PPIG: variants seen among roughly 807,000 people sequenced by gnomAD.
PPIG encodes peptidylprolyl isomerase G.
PPIG carries 26 observed loss-of-function variants against 87.9 expected under a neutral mutation model. The observed-to-expected ratio is 0.30, with a 90% confidence interval of 0.22 to 0.41. PPIG has a LOEUF of 0.41. Ranked by LOEUF, PPIG falls within the 10% of genes least tolerant of loss-of-function variation. The pLI is 1.00. For synonymous variants in PPIG, 308 were observed against 276.5 expected, an observed-to-expected ratio of 1.11 and a Z score of -1.13; for missense variants, 722 against 879.4, an observed-to-expected ratio of 0.82 and a Z score of 2.26.
At chr2:169,592,599 T>C (rs1332426818) in intron 1 of PPIG, among the ~76,000 whole-genome samples, 1 of 152,070 alleles carries the variant, frequency 6.6e-6, no homozygotes, top group Admixed American at 6.6e-5. Context: ...CCACCGTGCC[T>C]GGCTCAGATT....
intron 1 of PPIG, among the ~76,000 whole-genome samples, chr2:169,593,347 AC>A (rs1239884334): frequency 1.3e-5 from 2 of 151,992 alleles, no homozygotes; most frequent in Non-Finnish European, 2.9e-5. Flanking sequence ...GACACCCACC[AC>A]CATGCCCGGC....
intron 2 of PPIG, 128 bp downstream of exon 2, chr2:169,603,822 G>A: frequency 1.8e-6 from 1 of 565,126 alleles, no homozygotes; most frequent in Non-Finnish European, 3.1e-6. Flanking sequence ...TAACTTTCAA[G>A]TCTTTTCTAA....
In PPIG at chr2:169,589,576, C is replaced by A. The variant is rs1684802799; in HGVS notation, c.-70+5086C>A. Among the ~76,000 whole-genome samples the A allele has an allele frequency of 2.0e-5, 3 of 152,022 alleles. No homozygotes were observed. The South Asian group carries it at 6.2e-4, about 31-fold the overall frequency. The stretch of plus-strand genomic sequence containing the variant: ...GGAAATCTTATATATAAATTGTCTC[C>A]TGTTTCATCAAATTTAGCAGATAAG... On this transcript the variant is annotated intron_variant, in intron 1 of 13. Coordinates refer to ENST00000260970, the MANE Select transcript of PPIG (RefSeq NM_004792.3).
chr2:169,619,422 C>T lies in PPIG; in HGVS notation c.547+4698C>T, dbSNP rs184466227. ...AGAGCTGAGTTGAAATCCTGAATAT[C>T]CTTGTTAATTTTCTGTCTCATTGAT... On this transcript the variant is annotated intron_variant, in intron 9 of 13. Coordinates refer to ENST00000260970, the MANE Select transcript of PPIG (RefSeq NM_004792.3). Among the ~76,000 whole-genome samples, 227 of 152,210 alleles carry T rather than the reference C, an allele frequency of 1.5e-3. 1 individual carries two copies. The highest frequency in any genetic ancestry group is 5.3e-3 in the African/African-American group (220 of 41,518).
intron 1 of PPIG, 144 bp downstream of exon 1, chr2:169,584,634 C>T: frequency 2.4e-6 from 1 of 416,284 alleles, no homozygotes; most frequent in Non-Finnish European, 4.7e-6. Flanking sequence ...GGTATCGGGG[C>T]TGCTTGGGCC....
rs191206615 is a variant in PPIG, at chr2:169,592,397, C to T, written c.-70+7907C>T. On this transcript the variant is annotated intron_variant, in intron 1 of 13. Transcript: ENST00000260970. ...TCTGCTCACTGCAAGCTCCGCCTCC[C>T]GGGTTCACGCCATTCTCCTGCCTCA... 1.5e-4 allele frequency among the ~76,000 whole-genome samples: 22 copies of T among 150,564 alleles called. No homozygotes were observed. The East Asian group carries it at 2.0e-3, about 13-fold the overall frequency.
rs544306207 is a variant in PPIG at position 169,636,909 on chromosome 2, A to G, written c.1651A>G (p.Ile551Val). 2 of 1,613,992 alleles carry G rather than the reference A, an allele frequency of 1.2e-6. No individual in the cohort carries two copies. Among genetic ancestry groups the G allele is most frequent in the Non-Finnish European group, 1.7e-6 (2 of 1,179,990 alleles). ...RAQSRSRECD[I>V]TKGKHSYNSR... ...ACAATCCAGGAGTAGAGAATGTGAT[A>G]TAACTAAAGGTAAACACAGTTATAA... The change falls in exon 14 of 14, where the codon ATA becomes GTA. Residue 551 changes from isoleucine to valine, a missense_variant. By Grantham distance (29) the Ile-to-Val change is conservative (BLOSUM62 3). Coordinates refer to ENST00000260970, the MANE Select transcript of PPIG (RefSeq NM_004792.3).
chr2:169,613,599 A>G (rs1685544657), intron 7 of PPIG, among the ~76,000 whole-genome samples: 1 of 151,960 alleles, frequency 6.6e-6, no homozygotes, highest in Admixed American at 6.6e-5. Flanking sequence ...TTTTTTTCCC[A>G]ACTCCTAATC....
At chr2:169,601,373 G>T (rs1685179653) in intron 1 of PPIG, among the ~76,000 whole-genome samples, 1 of 152,124 alleles carries the variant, frequency 6.6e-6, no homozygotes, top group Admixed American at 6.6e-5. Context: ...TGAAAATTCA[G>T]GTTTATCACA....
intron 1 of PPIG, among the ~76,000 whole-genome samples, chr2:169,587,999 A>G (rs958829894): frequency 6.6e-6 from 1 of 151,986 alleles, no homozygotes; most frequent in East Asian, 1.9e-4. Flanking sequence ...CTCCGTTTCT[A>G]CTTAGAATAC....
At chr2:169,597,197 A>T (rs756855143) in intron 1 of PPIG, among the ~76,000 whole-genome samples, 3 of 152,186 alleles carry the variant, frequency 2.0e-5, no homozygotes, top group African/African-American at 4.8e-5. Context: ...TGTGGTATAA[A>T]ATTGAAAATA....
chr2:169,615,586 G>C (rs1380714218), intron 9 of PPIG, among the ~76,000 whole-genome samples: 1 of 152,112 alleles, frequency 6.6e-6, no homozygotes, highest in African/African-American at 2.4e-5. Flanking sequence ...TTTGTGCCTG[G>C]CCTATTTCAT....
chr2:169,632,687 G>A (rs888154512), intron 11 of PPIG, among the ~76,000 whole-genome samples: 1 of 152,070 alleles, frequency 6.6e-6, no homozygotes, highest in Non-Finnish European at 1.5e-5. Context: ...GGAGCTTGCA[G>A]TGAGCCGAGA....
intron 1 of PPIG, among the ~76,000 whole-genome samples, chr2:169,587,268 G>A (rs888079700): frequency 6.7e-6 from 1 of 148,736 alleles, no homozygotes; most frequent in Non-Finnish European, 1.5e-5. Flanking sequence ...TTGAGACAGA[G>A]TCTCGCTGTC....
rs1574469606 is a variant in PPIG at position 169,639,682 on chromosome 2, A to G, written c.*2159A>G. 1.3e-5 allele frequency: 2 copies of G among 152,146 alleles called. No homozygotes were observed. The highest frequency in any genetic ancestry group is 2.9e-5 in the Non-Finnish European group (2 of 67,984). The allele number at this position is 152,146 out of a possible 1,614,324, so 9.4% of individuals were successfully genotyped here. A position where few individuals can be genotyped will look rare whatever the true frequency, so the allele number is the denominator to read the frequency against. Reference sequence around the variant, plus strand: ...CAGATGTGAAGGAGTTGAGAGGACAATCAACTAGATTTTATTTTTAGAATA... The same window carrying G: ...CAGATGTGAAGGAGTTGAGAGGACAGTCAACTAGATTTTATTTTTAGAATA... On this transcript the variant is annotated 3_prime_UTR_variant, in exon 14 of 14. Transcript: ENST00000260970.
chr2:169,604,548 A>G (rs1312965582), intron 4 of PPIG, among the ~76,000 whole-genome samples: 3 of 151,964 alleles, frequency 2.0e-5, no homozygotes, highest in Admixed American at 6.6e-5. Context: ...ATTACACAGC[A>G]GTGACTAGGG....
intron 4 of PPIG, among the ~76,000 whole-genome samples, chr2:169,604,889 AAG>A (rs1685280802): frequency 6.8e-6 from 1 of 147,812 alleles, no homozygotes; most frequent in South Asian, 2.2e-4. Flanking sequence ...AAAAAAAAGA[AAG>A]AAATATTATG....
chr2:169,597,858 G>GC (rs1685065110), intron 1 of PPIG, among the ~76,000 whole-genome samples: 1 of 9,488 alleles, frequency 1.1e-4, no homozygotes, highest in African/African-American at 2.3e-4. Context: ...TACCTTGCTT[G>GC]TTTGTTTGTT....
At chr2:169,595,136 C>T (rs1684984090) in intron 1 of PPIG, among the ~76,000 whole-genome samples, 1 of 152,104 alleles carries the variant, frequency 6.6e-6, no homozygotes, top group South Asian at 2.1e-4. Flanking sequence ...CCATGTTGGC[C>T]AGGCTGTTCT....
Sources: allele counts gnomAD v4.1 joint callset (sites outside exome capture counted in the v4.1 genomes callset), GRCh38; gene constraint gnomAD v4.1.1; transcripts MANE v1.5; gene names NCBI Gene and HGNC (gene_info 2026-07-23, HGNC 2026-07-21).